WAPL: variants seen among roughly 807,000 people sequenced by gnomAD.
WAPL encodes the protein wings apart-like protein homolog.
Under a neutral mutation model 121.0 loss-of-function variants are expected in WAPL, and 5 were observed. The ratio of observed to expected loss-of-function variants is 0.04; its 90% CI spans 0.02 to 0.09. The LOEUF (loss-of-function observed/expected upper bound fraction) is 0.09, where lower values mean the gene tolerates loss of function less well. WAPL is among the 10% of genes least tolerant of loss of function. WAPL has a pLI of 1.00. For missense variants in WAPL, 999 were observed against 1,410.8 expected (o/e 0.71, Z 4.68); for synonymous variants, 480 against 481.5 (o/e 1.00, Z 0.04).
In WAPL at chr10:86,452,245, C is replaced by T. The variant is rs909944055; in HGVS notation, c.2950-114G>A. ...AAGCTGAATATCAGTGTTCTACCACCTACAAAATGGCTAAAAACCAGTATG... is the reference window on the plus strand; with the variant it reads ...AAGCTGAATATCAGTGTTCTACCACTTACAAAATGGCTAAAAACCAGTATG... On this transcript the variant is annotated intron_variant, in intron 14 of 18. Coordinates refer to ENST00000298767, the MANE Select transcript of WAPL (RefSeq NM_015045.5). 7 of 970,040 alleles carry T rather than the reference C, an allele frequency of 7.2e-6. No homozygotes were observed. The Admixed American group carries it at 1.5e-4, about 21-fold the overall frequency. 60.1% of individuals were successfully genotyped at this position (970,040 alleles called of 1,614,324 possible).
At chr10:86,450,357 TC>T (rs1840947982) in intron 15 of WAPL, among the ~76,000 whole-genome samples, 3 of 152,286 alleles carry the variant, frequency 2.0e-5, no homozygotes, top group Middle Eastern at 6.8e-3. Flanking sequence ...CACTTCAGCG[TC>T]CCGAGCAGCT....
At position 86,521,639 on chromosome 10, in the gene WAPL, T is replaced by C; in HGVS notation, c.-297A>G. 1 of 461,154 alleles carries C rather than the reference T, an allele frequency of 2.2e-6. No homozygotes were observed. 28.6% of individuals were successfully genotyped at this position (461,154 alleles called of 1,614,324 possible). A position where few individuals can be genotyped will look rare whatever the true frequency, so the allele number is the denominator to read the frequency against. On this transcript the variant is annotated 5_prime_UTR_variant, in exon 1 of 19. Coordinates refer to ENST00000298767, the MANE Select transcript of WAPL (RefSeq NM_015045.5). ...TGCTGGAGCTGGTAACAGAGCCTGC[T>C]GTGTGCCCCCGCTGGGCCGCCGCCG...
intron 13 of WAPL, 79 bp downstream of exon 13, chr10:86,453,577 G>GAAAAGGAGAAACA (rs1841054146): frequency 6.8e-7 from 1 of 1,473,002 alleles, no homozygotes; most frequent in African/African-American, 1.4e-5. Flanking sequence ...ACTACCCCAG[G>GAAAAGGAGAAACA]AAAAGGAGAA....
chr10:86,516,327 G>GAA (rs779834469), intron 2 of WAPL, among the ~76,000 whole-genome samples: 1 of 152,140 alleles, frequency 6.6e-6, no homozygotes, highest in African/African-American at 2.4e-5. Flanking sequence ...CCAAGAGTGA[G>GAA]AAAAAGAGTG....
intron 16 of WAPL, chr10:86,443,780 G>C (rs1370028781): frequency 6.1e-6 from 1 of 165,128 alleles, no homozygotes; most frequent in Non-Finnish European, 1.3e-5. Context: ...CTAGCACTTT[G>C]GAAGGCTGAG....
chr10:86,452,252 A>G, intron 14 of WAPL, 121 bp from the exon 15 acceptor site: 1 of 921,136 alleles, frequency 1.1e-6, no homozygotes. Context: ...CACCTACAAA[A>G]TGGCTAAAAA....
intron 12 of WAPL, 123 bp from the exon 13 acceptor site, chr10:86,453,954 C>T: frequency 3.5e-6 from 3 of 847,416 alleles, no homozygotes; most frequent in South Asian, 6.9e-5. Flanking sequence ...AAATCTGATA[C>T]CTTAAAAAAC....
At chr10:86,454,542 T>C (rs1367765159) in intron 12 of WAPL, among the ~76,000 whole-genome samples, 1 of 152,240 alleles carries the variant, frequency 6.6e-6, no homozygotes, top group Non-Finnish European at 1.5e-5. Context: ...CACACCTGAC[T>C]GGTTTTTGCT....
intron 12 of WAPL, among the ~76,000 whole-genome samples, chr10:86,454,551 CTG>C (rs1841085310): frequency 6.6e-6 from 1 of 152,230 alleles, no homozygotes; most frequent in African/African-American, 2.4e-5. Context: ...CTGGTTTTTG[CTG>C]GAGTGCAGTG....
At chr10:86,509,986 G>A (rs972523672) in intron 2 of WAPL, among the ~76,000 whole-genome samples, 5 of 149,834 alleles carry the variant, frequency 3.3e-5, no homozygotes, top group African/African-American at 1.2e-4. Flanking sequence ...GGCTGGTCTC[G>A]AACTGCTGAC....
chr10:86,467,026 G>A, intron 9 of WAPL: 1 of 385,348 alleles, frequency 2.6e-6, no homozygotes, highest in Non-Finnish European at 4.7e-6. Context: ...AAAATAAAGA[G>A]AAAAGGATTA....
chr10:86,456,180 TA>T (rs904442381), intron 12 of WAPL, among the ~76,000 whole-genome samples: 2 of 152,170 alleles, frequency 1.3e-5, no homozygotes, highest in Admixed American at 6.5e-5. Flanking sequence ...AGAAGGACCT[TA>T]GTTAAGGCAG....
intron 4 of WAPL, among the ~76,000 whole-genome samples, chr10:86,480,320 T>G (rs1480818229): frequency 6.6e-6 from 1 of 152,186 alleles, no homozygotes; most frequent in Non-Finnish European, 1.5e-5. Flanking sequence ...AAAAGCATAA[T>G]TGGTAGCCAC....
chr10:86,488,559 T>A (rs1841974858), intron 4 of WAPL: 2 of 152,152 alleles, frequency 1.3e-5, no homozygotes, highest in South Asian at 2.1e-4. Flanking sequence ...GAAAATAGAA[T>A]GTAAGTAAGA....
At chr10:86,458,636 A>G (rs981450419) in intron 12 of WAPL, among the ~76,000 whole-genome samples, 3 of 152,162 alleles carry the variant, frequency 2.0e-5, no homozygotes, top group Non-Finnish European at 2.9e-5. Flanking sequence ...TAATATACAC[A>G]TATTTTTAAA....
At chr10:86,442,130 G>A (rs34755468) in intron 17 of WAPL, among the ~76,000 whole-genome samples, 2,380 of 152,296 alleles carry the variant, frequency 0.016, 57 homozygotes, top group African/African-American at 0.041. Context: ...GGATTCAAGC[G>A]ATTCGATTCT....
intron 4 of WAPL, among the ~76,000 whole-genome samples, chr10:86,490,053 G>C (rs1842011385): frequency 6.6e-6 from 1 of 151,796 alleles, no homozygotes; most frequent in Admixed American, 6.6e-5. Flanking sequence ...ATATCTACTA[G>C]AAATACAAAA....
chr10:86,491,808 T>C (rs1158433037), intron 4 of WAPL, among the ~76,000 whole-genome samples: 1 of 151,682 alleles, frequency 6.6e-6, no homozygotes, highest in Non-Finnish European at 1.5e-5. Flanking sequence ...ATATTTAACA[T>C]GCAAGATAAC....
rs139742373 is a variant in WAPL, at chr10:86,459,048, G to C, written c.2598C>G (p.Pro866=). 7.5e-6 allele frequency: 12 copies of C among 1,605,944 alleles called. No individual in the cohort carries two copies. The African/African-American group carries it at 1.5e-4, about 20-fold the overall frequency. ...RVLESVTVHN[P]ENQSYLIAYK... Reference sequence around the variant, plus strand: ...ATGCTATCAAGTAGCTTTGATTTTCGGGATTATGCACAGTTACCTAAAAAG... The same window carrying C: ...ATGCTATCAAGTAGCTTTGATTTTCCGGATTATGCACAGTTACCTAAAAAG... Residue 866 remains proline (P), a synonymous_variant, in exon 12 of 19, where the codon CCC becomes CCG. Coordinates refer to ENST00000298767, the MANE Select transcript of WAPL (RefSeq NM_015045.5).
Sources: allele counts gnomAD v4.1 joint callset (sites outside exome capture counted in the v4.1 genomes callset), GRCh38; gene constraint gnomAD v4.1.1; transcripts MANE v1.5; gene names NCBI Gene and HGNC (gene_info 2026-07-23, HGNC 2026-07-21).